NTNG1: variants seen among roughly 807,000 people sequenced by gnomAD.
NTNG1 encodes the protein netrin-G1.
A neutral mutation model predicts 54.0 loss-of-function variants in NTNG1; 16 were observed. The ratio of observed to expected loss-of-function variants is 0.30; its 90% CI spans 0.20 to 0.45. The LOEUF (loss-of-function observed/expected upper bound fraction) is 0.45. Among genes scored for constraint, NTNG1 ranks in the 20% least tolerant of loss-of-function variants. The pLI is 1.00. For synonymous variants in NTNG1, 255 were observed against 263.1 expected (o/e 0.97, Z 0.30); for missense variants, 530 against 678.7 (o/e 0.78, Z 2.43).
intron 7 of NTNG1, among the ~76,000 whole-genome samples, chr1:107,444,434 A>G (rs985108444): frequency 1.3e-5 from 2 of 152,086 alleles, no homozygotes; most frequent in Admixed American, 1.3e-4. Flanking sequence ...ATCATATCCT[A>G]AATACATTCA....
chr1:107,238,532 C>T (rs775186146), intron 2 of NTNG1, among the ~76,000 whole-genome samples: 4 of 152,116 alleles, frequency 2.6e-5, no homozygotes, highest in Non-Finnish European at 5.9e-5. Flanking sequence ...TGTGTCCCCA[C>T]CCAAATCTCA....
chr1:107,337,566 A>G (rs149464054), intron 3 of NTNG1, among the ~76,000 whole-genome samples: 103 of 152,184 alleles, frequency 6.8e-4, no homozygotes, highest in Non-Finnish European at 1.1e-3. Context: ...ATGTGAAAAT[A>G]TTTAATGCCA....
chr1:107,320,790 A>G (rs1217308284), intron 2 of NTNG1, among the ~76,000 whole-genome samples: 2 of 151,180 alleles, frequency 1.3e-5, no homozygotes, highest in African/African-American at 4.9e-5. Flanking sequence ...GTTAATAGCC[A>G]TCAAATCACT....
intron 2 of NTNG1, among the ~76,000 whole-genome samples, chr1:107,185,693 T>C (rs1490380375): frequency 1.3e-5 from 2 of 152,126 alleles, no homozygotes; most frequent in African/African-American, 2.4e-5. Flanking sequence ...GTTTGTGCTG[T>C]GCTTCAATTG....
At chr1:107,460,343 A>G (rs1211993170) in intron 7 of NTNG1, 4 of 517,412 alleles carry the variant, frequency 7.7e-6, no homozygotes, top group Non-Finnish European at 1.5e-5. Flanking sequence ...ACTGTCAGAA[A>G]GAGGTGAGCT....
chr1:107,183,515 T>C (rs111414899), intron 2 of NTNG1, among the ~76,000 whole-genome samples: 2 of 152,246 alleles, frequency 1.3e-5, no homozygotes, highest in East Asian at 1.9e-4. Context: ...GGCCAAATGG[T>C]CCCCTTTCAA....
chr1:107,470,267 T>C (rs1677894761), intron 7 of NTNG1, among the ~76,000 whole-genome samples: 1 of 152,240 alleles, frequency 6.6e-6, no homozygotes, highest in Non-Finnish European at 1.5e-5. Context: ...TGAATTACCT[T>C]TATTATCTAA....
chr1:107,354,503 AC>A lies in NTNG1; in HGVS notation c.887+29585del, dbSNP rs777879339. 1.4e-4 allele frequency among the ~76,000 whole-genome samples: 21 copies of A among 147,880 alleles called. No homozygotes were observed. In the East Asian group the frequency reaches 2.0e-3, roughly 14 times the overall value. ...AAAAAAAAAAAAAAAGAATTAAATCACCCCAAGTATTATGATATTAATTAAA... is the reference window on the plus strand; with the variant it reads ...AAAAAAAAAAAAAAAGAATTAAATCACCCAAGTATTATGATATTAATTAAA... On this transcript the variant is annotated intron_variant, in intron 3 of 7. Transcript: ENST00000370068.
rs34623522 is a variant in NTNG1, at chr1:107,318,531, C to CA, written c.247-5739dup. 5.6e-3 allele frequency among the ~76,000 whole-genome samples: 782 copies of CA among 140,086 alleles called. 5 individuals carry two copies. The highest frequency in any genetic ancestry group is 0.01 in the African/African-American group (402 of 39,282). The allele number at this position is 140,086 out of a possible 152,430, so 91.9% of individuals were successfully genotyped here. ...AAGAACAAATCTATCTGTGAAATTGCAAAAAAAAAAAAGACAAAGAAATTT... is the reference window on the plus strand; with the variant it reads ...AAGAACAAATCTATCTGTGAAATTGCAAAAAAAAAAAAAGACAAAGAAATTT... On this transcript the variant is annotated intron_variant, in intron 2 of 7. Coordinates refer to ENST00000370068, the MANE Select transcript of NTNG1 (RefSeq NM_001113226.3).
At chr1:107,300,795 G>C (rs1666269819) in intron 2 of NTNG1, among the ~76,000 whole-genome samples, 1 of 152,100 alleles carries the variant, frequency 6.6e-6, no homozygotes, top group South Asian at 2.1e-4. Flanking sequence ...CAGAGTTAAT[G>C]TTAACATTTT....
chr1:107,208,430 CAA>C (rs5776882), intron 2 of NTNG1, among the ~76,000 whole-genome samples: 3 of 130,048 alleles, frequency 2.3e-5, no homozygotes, highest in South Asian at 4.9e-4. Flanking sequence ...AACATCATCT[CAA>C]AAAAAAAAAA....
At chr1:107,354,625 G>A (rs1196265017) in intron 3 of NTNG1, among the ~76,000 whole-genome samples, 2 of 152,076 alleles carry the variant, frequency 1.3e-5, no homozygotes, top group Admixed American at 6.5e-5. Context: ...TCATCAAAAT[G>A]CCACTTGCAT....
chr1:107,458,932 G>C (rs116702621), intron 7 of NTNG1, among the ~76,000 whole-genome samples: 1 of 152,026 alleles, frequency 6.6e-6, no homozygotes, highest in Admixed American at 6.6e-5. Flanking sequence ...GCCTTGTTTC[G>C]TTCTACTTCC....
At chr1:107,367,233 C>A (rs1670651577) in intron 3 of NTNG1, among the ~76,000 whole-genome samples, 1 of 152,060 alleles carries the variant, frequency 6.6e-6, no homozygotes, top group Admixed American at 6.6e-5. Context: ...CCCATGCCTG[C>A]CCCAAAGAAG....
chr1:107,310,639 C>G (rs1666953320), intron 2 of NTNG1, among the ~76,000 whole-genome samples: 1 of 151,942 alleles, frequency 6.6e-6, no homozygotes, highest in African/African-American at 2.4e-5. Flanking sequence ...TGAACTTGGA[C>G]AAGCACAATT....
At position 107,240,282 on chromosome 1, in the gene NTNG1, T is replaced by A. The variant is rs528164054; in HGVS notation, c.247-84000T>A. 2.6e-3 allele frequency among the ~76,000 whole-genome samples: 398 copies of A among 152,220 alleles called. 2 individuals carry two copies. Among genetic ancestry groups the A allele is most frequent in the African/African-American group, 9.1e-3 (377 of 41,530 alleles). On this transcript the variant is annotated intron_variant, in intron 2 of 7. Transcript: ENST00000370068. ...TTTGAGTGGAATATCCTTATTTTTT[T>A]TTTTTTTTTTTTACACATTACGATA...
At chr1:107,445,469 G>A (rs1268614023) in intron 7 of NTNG1, among the ~76,000 whole-genome samples, 1 of 152,038 alleles carries the variant, frequency 6.6e-6, no homozygotes, top group African/African-American at 2.4e-5. Context: ...TGTATGTGTC[G>A]GGAACATGTA....
intron 2 of NTNG1, among the ~76,000 whole-genome samples, chr1:107,292,242 G>A (rs1315284982): frequency 1.3e-5 from 2 of 152,052 alleles, no homozygotes; most frequent in Non-Finnish European, 2.9e-5. Flanking sequence ...GTGTGGGTCT[G>A]CGGCAACCTC....
chr1:107,213,004 G>A (rs1570867569), intron 2 of NTNG1, among the ~76,000 whole-genome samples: 1 of 151,630 alleles, frequency 6.6e-6, no homozygotes, highest in East Asian at 1.9e-4. Context: ...GAAGAGTGGT[G>A]GTGAATGCTA....
Sources: allele counts gnomAD v4.1 joint callset (sites outside exome capture counted in the v4.1 genomes callset), GRCh38; gene constraint gnomAD v4.1.1; transcripts MANE v1.5; gene names NCBI Gene and HGNC (gene_info 2026-07-23, HGNC 2026-07-21).